The following DAB1 variants were observed in gnomAD, a reference collection of about 807,000 sequenced individuals.
DAB1 encodes the protein disabled homolog 1.
DAB1 carries 15 observed loss-of-function variants against 64.6 expected under a neutral mutation model. The ratio of observed to expected loss-of-function variants is 0.23; its 90% CI spans 0.16 to 0.36. DAB1 has a LOEUF of 0.36. Ranked by LOEUF, DAB1 falls within the 10% of genes least tolerant of loss-of-function variation. DAB1 has a pLI of 1.00. For missense variants in DAB1, 596 were observed against 706.7 expected (o/e 0.84, Z 1.78); for synonymous variants, 235 against 251.9 (o/e 0.93, Z 0.64).
At chr1:58,258,561 G>A (rs191806466) in intron 4 of DAB1, among the ~76,000 whole-genome samples, 174 of 152,198 alleles carry the variant, frequency 1.1e-3, no homozygotes, top group Middle Eastern at 6.8e-3. Context: ...GTGGTCTCTG[G>A]GGTTCCTGGC....
At chr1:58,050,686 C>T (rs930700426) in intron 5 of DAB1, among the ~76,000 whole-genome samples, 7 of 152,072 alleles carry the variant, frequency 4.6e-5, no homozygotes, top group Admixed American at 4.6e-4. Context: ...CCCGCCACCT[C>T]GCCTGGCTAA....
At position 57,731,497 on chromosome 1, in the gene DAB1, GA is replaced by G. The variant is rs374374235; in HGVS notation, n.552-81833del. On this transcript the variant is annotated intron_variant and non_coding_transcript_variant, in intron 6 of 20. Transcript: ENST00000485760. ...TGTATATCTTACCACAATAAAAAAT[GA>G]AAAAAAAGAATTAATAATTAGGCCA... Among the ~76,000 whole-genome samples, 423 of 151,752 alleles carry G rather than the reference GA, an allele frequency of 2.8e-3. 2 individuals carry two copies. Among genetic ancestry groups the G allele is most frequent in the African/African-American group, 9.6e-3 (398 of 41,424 alleles).
chr1:58,228,871 C>A, intron 4 of DAB1: 1 of 571,956 alleles, frequency 1.7e-6, no homozygotes, highest in Middle Eastern at 3.0e-4. Flanking sequence ...AGGACAGAGG[C>A]CCAGAGCATC....
chr1:57,967,515 C>T (rs568327163), intron 5 of DAB1, among the ~76,000 whole-genome samples: 5 of 152,208 alleles, frequency 3.3e-5, no homozygotes, highest in East Asian at 1.9e-4. Flanking sequence ...CTTGTTCCTA[C>T]GAAGCTCTTG....
chr1:57,654,887 A>C (rs11207088), intron 6 of DAB1, among the ~76,000 whole-genome samples: 46,608 of 152,014 alleles, frequency 0.31, 7,453 homozygotes, highest in African/African-American at 0.38. Flanking sequence ...AAAGACCTAT[A>C]ATTACTTCTA....
chr1:57,769,988 T>C (rs1649486770), intron 6 of DAB1, among the ~76,000 whole-genome samples: 1 of 152,118 alleles, frequency 6.6e-6, no homozygotes, highest in Admixed American at 6.6e-5. Flanking sequence ...TACAGTCAGG[T>C]CTGATTTCCC....
At chr1:58,064,701 TTATTTATGTATTTATG>T (rs1220347968) in intron 5 of DAB1, among the ~76,000 whole-genome samples, 2 of 111,446 alleles carry the variant, frequency 1.8e-5, no homozygotes, top group African/African-American at 6.9e-5. Flanking sequence ...ATTTATGTAT[TTATTTATGTATTTATG>T]TATTTATTTA....
intron 5 of DAB1, among the ~76,000 whole-genome samples, chr1:58,142,058 G>A (rs1053851556): frequency 2.6e-5 from 4 of 151,866 alleles, no homozygotes; most frequent in Admixed American, 6.6e-5. Flanking sequence ...TTTAACCAAC[G>A]TTCATGAGCC....
intron 5 of DAB1, among the ~76,000 whole-genome samples, chr1:58,118,390 A>C (rs2100664899): frequency 1.4e-5 from 2 of 138,512 alleles, no homozygotes; most frequent in Non-Finnish European, 3.0e-5. Flanking sequence ...CTATGCTTTG[A>C]CTTCCTCATC....
chr1:57,313,308 C>T (rs1008792393), intron 1 of DAB1, among the ~76,000 whole-genome samples: 2 of 152,168 alleles, frequency 1.3e-5, no homozygotes, highest in African/African-American at 4.8e-5. Flanking sequence ...CTGGTCCCCA[C>T]AATATGACAG....
At chr1:57,086,344 A>T (rs554373466) in intron 4 of DAB1, among the ~76,000 whole-genome samples, 2 of 152,268 alleles carry the variant, frequency 1.3e-5, no homozygotes, top group African/African-American at 4.8e-5. Context: ...CAGCTGAAGC[A>T]TCGGGGAGGT....
At chr1:57,986,753 C>T (rs1646228761) in intron 5 of DAB1, among the ~76,000 whole-genome samples, 1 of 152,212 alleles carries the variant, frequency 6.6e-6, no homozygotes, top group South Asian at 2.1e-4. Flanking sequence ...TCCAAAGCCA[C>T]GTCCTCTCCA....
At chr1:58,376,579 G>A (rs1455526844) in intron 3 of DAB1, among the ~76,000 whole-genome samples, 8 of 147,518 alleles carry the variant, frequency 5.4e-5, no homozygotes, top group Non-Finnish European at 1.2e-4. Context: ...TACATTTGCT[G>A]AGGAGAGCTT....
intron 5 of DAB1, among the ~76,000 whole-genome samples, chr1:58,133,819 G>A (rs745600202): frequency 1.3e-4 from 20 of 152,220 alleles, no homozygotes; most frequent in Non-Finnish European, 1.5e-5. Flanking sequence ...GGTGGCATCA[G>A]TGAATGCAAT....
chr1:58,018,866 AAG>A (rs1309320207), intron 5 of DAB1, among the ~76,000 whole-genome samples: 2 of 152,196 alleles, frequency 1.3e-5, no homozygotes, highest in Non-Finnish European at 2.9e-5. Flanking sequence ...AAAAAGGAAA[AAG>A]AATTCCAATC....
chr1:57,381,923 A>C (rs941083938), intron 1 of DAB1, among the ~76,000 whole-genome samples: 4 of 152,180 alleles, frequency 2.6e-5, no homozygotes, highest in Non-Finnish European at 5.9e-5. Flanking sequence ...TGAGCTTCCC[A>C]AGCTTGGCTC....
chr1:58,529,540 T>C (rs1306520804), intron 1 of DAB1, among the ~76,000 whole-genome samples: 1 of 152,232 alleles, frequency 6.6e-6, no homozygotes, highest in Non-Finnish European at 1.5e-5. Flanking sequence ...CCTTTCAGCA[T>C]TTTCAAAGCA....
At chr1:57,120,687 C>A (rs1205503146) in intron 4 of DAB1, among the ~76,000 whole-genome samples, 1 of 152,168 alleles carries the variant, frequency 6.6e-6, no homozygotes, top group Non-Finnish European at 1.5e-5. Context: ...ACCATAGGAA[C>A]CTCATAAAAG....
chr1:58,032,519 C>T (rs1646986372), intron 5 of DAB1, among the ~76,000 whole-genome samples: 1 of 152,098 alleles, frequency 6.6e-6, no homozygotes, highest in African/African-American at 2.4e-5. Context: ...TACAAATAAC[C>T]CCACATGCCA....
Sources: gnomAD v4.1 joint callset for allele counts (sites outside exome capture counted in the v4.1 genomes callset) on GRCh38, gnomAD v4.1.1 for gene constraint, MANE v1.5 for transcripts, NCBI Gene and HGNC (gene_info 2026-07-23, HGNC 2026-07-21) for gene names.